CTNNA3: variants seen among roughly 807,000 people sequenced by gnomAD.
CTNNA3 encodes the protein catenin alpha 3.
Under a neutral mutation model 95.7 loss-of-function variants are expected in CTNNA3, and 76 were observed. The ratio of observed to expected loss-of-function variants is 0.79; its 90% CI spans 0.66 to 0.96. The LOEUF (loss-of-function observed/expected upper bound fraction) is 0.96, where lower values mean the gene tolerates loss of function less well. Ranked by LOEUF, CTNNA3 falls within the 40% of genes least tolerant of loss-of-function variation. The pLI is 0.00. For missense variants in CTNNA3, 1,191 were observed against 1,089.8 expected, an observed-to-expected ratio of 1.09 and a Z score of -1.31; for synonymous variants, 431 against 374.4, an observed-to-expected ratio of 1.15 and a Z score of -1.74.
intron 7 of CTNNA3, among the ~76,000 whole-genome samples, chr10:66,859,781 G>A (rs1281136058): frequency 7.0e-5 from 9 of 129,494 alleles, no homozygotes; most frequent in Non-Finnish European, 1.0e-4. Flanking sequence ...GTCCAACAAC[G>A]ATAGACTGGA....
chr10:67,548,776 C>G (rs144747017), intron 3 of CTNNA3, among the ~76,000 whole-genome samples: 75 of 151,730 alleles, frequency 4.9e-4, no homozygotes, highest in African/African-American at 1.6e-3. Context: ...AAACTTAAAC[C>G]TTTTGGACTC....
chr10:66,964,411 T>C (rs1487477939), intron 7 of CTNNA3, among the ~76,000 whole-genome samples: 1 of 152,134 alleles, frequency 6.6e-6, no homozygotes, highest in Non-Finnish European at 1.5e-5. Context: ...ATTTTTAAAC[T>C]GGCACAAAAG....
intron 11 of CTNNA3, among the ~76,000 whole-genome samples, chr10:66,498,703 G>A (rs1247603913): frequency 6.6e-6 from 1 of 152,134 alleles, no homozygotes; most frequent in South Asian, 2.1e-4. Flanking sequence ...TTGGTGAAAG[G>A]TGCAGAGTGA....
At position 67,142,950 on chromosome 10, in the gene CTNNA3, T is replaced by G. The variant is rs1430000914; in HGVS notation, c.1047+37367A>C. On this transcript the variant is annotated intron_variant, in intron 7 of 17. Transcript: ENST00000433211. ...TGTCTCAAATGTATATGTATCTCTC[T>G]CTACAAAATGCTAAAAATCATCTGA... 2.6e-5 allele frequency among the ~76,000 whole-genome samples: 4 copies of G among 152,052 alleles called. No homozygotes were observed. The East Asian group carries it at 7.7e-4, about 29-fold the overall frequency.
intron 13 of CTNNA3, among the ~76,000 whole-genome samples, chr10:66,158,239 A>G (rs577851167): frequency 6.6e-6 from 1 of 152,252 alleles, no homozygotes; most frequent in South Asian, 2.1e-4. Context: ...TCTTTGCCCA[A>G]GCCAATGTCT....
intron 3 of CTNNA3, among the ~76,000 whole-genome samples, chr10:67,588,132 C>T (rs1842688383): frequency 6.6e-6 from 1 of 151,190 alleles, no homozygotes; most frequent in South Asian, 2.1e-4. Flanking sequence ...ACATTGGTTT[C>T]AGATGTCTCT....
chr10:66,103,133 C>A (rs1233928134), intron 14 of CTNNA3, 24 bp downstream of exon 14: 1 of 1,585,638 alleles, frequency 6.3e-7, no homozygotes, highest in African/African-American at 1.3e-5. Context: ...GTACATGGTT[C>A]TCCCACCAGT....
intron 11 of CTNNA3, among the ~76,000 whole-genome samples, chr10:66,389,055 A>C (rs2092915369): frequency 6.6e-6 from 1 of 152,160 alleles, no homozygotes; most frequent in African/African-American, 2.4e-5. Context: ...TTGAGCTTTT[A>C]TGCCTAGCTA....
chr10:66,605,028 C>T (rs1844069283), intron 10 of CTNNA3, among the ~76,000 whole-genome samples: 1 of 152,120 alleles, frequency 6.6e-6, no homozygotes, highest in Non-Finnish European at 1.5e-5. Context: ...TGCAGGAGTA[C>T]ATTGAAGCCT....
chr10:66,301,288 G>A (rs2091859737), intron 12 of CTNNA3, among the ~76,000 whole-genome samples: 1 of 151,980 alleles, frequency 6.6e-6, no homozygotes, highest in Non-Finnish European at 1.5e-5. Flanking sequence ...TCTTCCAGAA[G>A]GTGGAAGCAG....
chr10:67,135,630 G>A (rs1289089161), intron 7 of CTNNA3, among the ~76,000 whole-genome samples: 1 of 152,052 alleles, frequency 6.6e-6, no homozygotes, highest in Non-Finnish European at 1.5e-5. Flanking sequence ...AACTATGATT[G>A]CACCACTGCA....
chr10:66,646,084 T>C (rs1845697865), intron 9 of CTNNA3, among the ~76,000 whole-genome samples: 1 of 152,172 alleles, frequency 6.6e-6, no homozygotes, highest in Non-Finnish European at 1.5e-5. Context: ...TCCAAAAACT[T>C]GCCAGGATTT....
At chr10:67,749,254 G>A (rs1006146745) in intron 1 of CTNNA3, among the ~76,000 whole-genome samples, 3 of 152,096 alleles carry the variant, frequency 2.0e-5, no homozygotes, top group African/African-American at 7.2e-5. Flanking sequence ...ACAGATCATC[G>A]AGACAGAATA....
At chr10:66,690,029 A>G (rs2132532576) in intron 9 of CTNNA3, among the ~76,000 whole-genome samples, 1 of 152,318 alleles carries the variant, frequency 6.6e-6, no homozygotes, top group Non-Finnish European at 1.5e-5. Context: ...GAACAAAAGG[A>G]CAAAGCTGAT....
intron 10 of CTNNA3, among the ~76,000 whole-genome samples, chr10:66,521,159 A>C (rs1188357092): frequency 1.3e-5 from 2 of 151,380 alleles, no homozygotes; most frequent in Non-Finnish European, 2.9e-5. Context: ...ATTGAAAAGT[A>C]CAAAACGTTT....
chr10:67,479,187 G>T (rs1848128701), intron 5 of CTNNA3, among the ~76,000 whole-genome samples: 1 of 152,142 alleles, frequency 6.6e-6, no homozygotes, highest in African/African-American at 2.4e-5. Flanking sequence ...AAATTAGGCA[G>T]ATCACTGAGG....
At chr10:66,380,620 T>A (rs1023263094) in intron 11 of CTNNA3, among the ~76,000 whole-genome samples, 67 of 110,294 alleles carry the variant, frequency 6.1e-4, no homozygotes, top group African/African-American at 3.4e-3. Flanking sequence ...TATCTATCTA[T>A]CTATCTATAT....
intron 1 of CTNNA3, among the ~76,000 whole-genome samples, chr10:67,658,338 G>T (rs1038832389): frequency 6.6e-6 from 1 of 152,042 alleles, no homozygotes; most frequent in Admixed American, 6.6e-5. Flanking sequence ...CACCTGGCAG[G>T]GGCTCAACAA....
intron 13 of CTNNA3, among the ~76,000 whole-genome samples, chr10:66,198,291 A>G (rs955002419): frequency 3.3e-5 from 5 of 152,134 alleles, no homozygotes; most frequent in African/African-American, 1.2e-4. Flanking sequence ...TGAGATCTGA[A>G]GAAAGAGCCA....
Sources: allele counts gnomAD v4.1 joint callset (sites outside exome capture counted in the v4.1 genomes callset), GRCh38; gene constraint gnomAD v4.1.1; transcripts MANE v1.5; gene names NCBI Gene and HGNC (gene_info 2026-07-23, HGNC 2026-07-21).